Variants in COL4A6 observed in about 807,000 individuals in gnomAD.
COL4A6 encodes collagen type IV alpha 6 chain.
COL4A6 carries 59 observed loss-of-function variants against 126.7 expected under a neutral mutation model. The ratio of observed to expected loss-of-function variants is 0.47; its 90% CI spans 0.38 to 0.58. The LOEUF is 0.58. COL4A6 is among the 20% of genes least tolerant of loss of function. COL4A6 has a pLI of 0.00. For synonymous variants in COL4A6, 547 were observed against 496.6 expected (o/e 1.10, Z -1.35); for missense variants, 1,285 against 1,337.3 (o/e 0.96, Z 0.61).
At position 108,155,875 on chromosome X, in the gene COL4A6, A is replaced by G. The variant is rs1018350755; in HGVS notation, c.*1125T>C. The G allele has an allele frequency of 4.5e-5, 5 of 112,236 alleles. No homozygotes were observed. The highest frequency in any genetic ancestry group is 6.5e-5 in the African/African-American group (2 of 30,842). The allele number at this position is 112,236 out of a possible 1,213,427, so 9.2% of individuals were successfully genotyped here. On this transcript the variant is annotated 3_prime_UTR_variant, in exon 45 of 45. Transcript: ENST00000334504. ...CAGAATACAATGTACTGCATAGCCA[A>G]TTCAGGCTTGCTTTAGGTCTGCTAA...
At chrX:108,427,065 C>A (rs2064098983) in intron 2 of COL4A6, among the ~76,000 whole-genome samples, 1 of 111,900 alleles carries the variant, frequency 8.9e-6, no homozygotes, top group African/African-American at 3.3e-5. Context: ...TGTTAGAGAA[C>A]TGGACGCAAA....
At chrX:108,378,232 C>CT (rs1365387152) in intron 2 of COL4A6, among the ~76,000 whole-genome samples, 1 of 111,383 alleles carries the variant, frequency 9.0e-6, no homozygotes, top group Non-Finnish European at 1.9e-5. Context: ...GCATCAGTAA[C>CT]TTTATTATAA....
chrX:108,212,002 A>G (rs1274650064), intron 6 of COL4A6, among the ~76,000 whole-genome samples: 3 of 111,551 alleles, frequency 2.7e-5, no homozygotes, highest in Admixed American at 9.6e-5. Flanking sequence ...AAAGTCAGAT[A>G]CTTTACATCT....
chrX:108,438,212 G>A lies in COL4A6; in HGVS notation c.-16C>T, dbSNP rs1446003152. On this transcript the variant is annotated 5_prime_UTR_variant, in exon 1 of 45. Transcript: ENST00000334504. ...CAGGGTGCATGCTTGCGGCTCCTCC[G>A]GAGCTGGGTCCCGGGAGACTGCTAA... The A allele has an allele frequency of 2.5e-6, 3 of 1,185,584 alleles. No homozygotes were observed. The highest frequency in any genetic ancestry group is 1.8e-5 in the African/African-American group (1 of 56,516).
intron 3 of COL4A6, among the ~76,000 whole-genome samples, chrX:108,231,045 A>G (rs1024561972): frequency 5.4e-5 from 6 of 110,962 alleles, no homozygotes; most frequent in African/African-American, 2.0e-4. Flanking sequence ...CATCACCTAC[A>G]ATTTACCAAC....
At chrX:108,167,932 A>T (rs988622033) in intron 37 of COL4A6, among the ~76,000 whole-genome samples, 1 of 111,432 alleles carries the variant, frequency 9.0e-6, no homozygotes, top group Admixed American at 9.5e-5. Context: ...CTCAGAGGCA[A>T]TCACTCCTGA....
At chrX:108,311,572 A>G (rs1359371327) in intron 2 of COL4A6, among the ~76,000 whole-genome samples, 1 of 111,212 alleles carries the variant, frequency 9.0e-6, no homozygotes, top group Admixed American at 9.6e-5. Flanking sequence ...AAAAACATCA[A>G]GCCTGTTCCT....
intron 2 of COL4A6, among the ~76,000 whole-genome samples, chrX:108,354,523 A>G (rs1297891297): frequency 1.8e-5 from 2 of 108,179 alleles, no homozygotes; most frequent in Non-Finnish European, 3.8e-5. Context: ...TTTGTATATC[A>G]CCTCCTCATT....
At chrX:108,213,442 G>T (rs1202712265) in intron 6 of COL4A6, among the ~76,000 whole-genome samples, 1 of 112,149 alleles carries the variant, frequency 8.9e-6, no homozygotes, top group East Asian at 2.8e-4. Context: ...TAAAAGTGGT[G>T]ACACTGGAAT....
At chrX:108,187,689 A>G (rs988440631) in intron 22 of COL4A6, among the ~76,000 whole-genome samples, 159 bp downstream of exon 22, 4 of 112,203 alleles carry the variant, frequency 3.6e-5, no homozygotes, top group Non-Finnish European at 7.5e-5. Flanking sequence ...CACTTTACAT[A>G]AAGGAAAAGC....
intron 5 of COL4A6, among the ~76,000 whole-genome samples, chrX:108,219,049 G>A (rs2035939064): frequency 8.9e-6 from 1 of 112,320 alleles, no homozygotes; most frequent in Non-Finnish European, 1.9e-5. Context: ...TGGTGGGATA[G>A]GCACAGATAC....
chrX:108,414,729 C>A (rs1306081530), intron 2 of COL4A6, among the ~76,000 whole-genome samples: 1 of 110,857 alleles, frequency 9.0e-6, no homozygotes, highest in Non-Finnish European at 1.9e-5. Flanking sequence ...GAAGTTGAGG[C>A]TGCAGTGAAC....
chrX:108,164,964 A>C lies in COL4A6; in HGVS notation c.3883T>G (p.Phe1295Val). 1 of 1,210,760 alleles carries C rather than the reference A, an allele frequency of 8.3e-7. No homozygotes were observed. Among genetic ancestry groups the C allele is most frequent in the Non-Finnish European group, 1.1e-6 (1 of 895,112 alleles). ...CCTTTAGGTCCAGGAATTCCAGGGA[A>C]GCCAGGGTCTCCGGTGTCGCCTTGA... ...SNQGDTGDPG[F>V]PGIPGPKGPK... Residue 1295 changes from phenylalanine (F) to valine (V), a missense_variant, in exon 39 of 45, where the codon TTC (phenylalanine) becomes GTC (valine). Transcript: ENST00000334504.
chrX:108,203,390 T>A (rs1398346072), intron 12 of COL4A6, among the ~76,000 whole-genome samples: 1 of 112,276 alleles, frequency 8.9e-6, no homozygotes, highest in Non-Finnish European at 1.9e-5. Context: ...CATAACCATC[T>A]GATCTGTCAT....
intron 2 of COL4A6, among the ~76,000 whole-genome samples, chrX:108,395,363 G>A (rs1265882838): frequency 8.9e-6 from 1 of 111,814 alleles, no homozygotes; most frequent in Non-Finnish European, 1.9e-5. Flanking sequence ...AGCAGATCCT[G>A]TGTATACCGT....
At chrX:108,425,187 G>A (rs1361446523) in intron 2 of COL4A6, among the ~76,000 whole-genome samples, 1 of 108,199 alleles carries the variant, frequency 9.2e-6, no homozygotes, top group Non-Finnish European at 1.9e-5. Context: ...GTGTGTGTGT[G>A]TGTGTGTGTG....
intron 2 of COL4A6, among the ~76,000 whole-genome samples, chrX:108,395,067 A>G (rs201840957): frequency 9.0e-6 from 1 of 111,232 alleles, no homozygotes; most frequent in Non-Finnish European, 1.9e-5. Context: ...AGGATGGTAT[A>G]CTTACATAGT....
intron 2 of COL4A6, among the ~76,000 whole-genome samples, chrX:108,382,254 T>C (rs2148136966): frequency 8.9e-6 from 1 of 112,285 alleles, no homozygotes; most frequent in African/African-American, 3.2e-5. Flanking sequence ...CCTGGATTTG[T>C]CTCTTACTTG....
At chrX:108,365,978 G>C (rs1205866816) in intron 2 of COL4A6, among the ~76,000 whole-genome samples, 1 of 111,455 alleles carries the variant, frequency 9.0e-6, no homozygotes, top group East Asian at 2.8e-4. Flanking sequence ...ATGGAGCAGA[G>C]GGGTCTAATA....
Sources: allele counts gnomAD v4.1 joint callset (sites outside exome capture counted in the v4.1 genomes callset), GRCh38; gene constraint gnomAD v4.1.1; transcripts MANE v1.5; gene names NCBI Gene and HGNC (gene_info 2026-07-23, HGNC 2026-07-21).